MYO10: variants seen among roughly 807,000 people sequenced by gnomAD.
MYO10 encodes the protein myosin X.
A neutral mutation model predicts 257.3 loss-of-function variants in MYO10; 133 were observed. The ratio of observed to expected loss-of-function variants is 0.52; its 90% CI spans 0.45 to 0.60. The LOEUF is 0.60. Among genes scored for constraint, MYO10 ranks in the 20% least tolerant of loss-of-function variants. MYO10 has a pLI of 0.00. For synonymous variants in MYO10, 1,104 were observed against 1,028.6 expected (o/e 1.07, Z -1.40); for missense variants, 2,399 against 2,635.7 (o/e 0.91, Z 1.97).
rs375432258 is a variant in MYO10 at position 16,781,805 on chromosome 5, A to G, written c.627T>C (p.Asn209=). ...AGTTGTTGTTGTACACGGTCTTCGC[A>G]TTGCCGAAAGCTTCCATGATGGGGC... is the stretch of plus-strand genomic sequence containing the variant. ...ESSPIMEAFG[N]AKTVYNNNSS... is the part of the protein sequence containing the mutation. Residue 209 remains asparagine (N), a synonymous_variant, in exon 6 of 41, where the codon AAT becomes AAC. Coordinates refer to ENST00000513610, the MANE Select transcript of MYO10 (RefSeq NM_012334.3). The G allele has an allele frequency of 2.4e-5, 38 of 1,613,896 alleles. No individual in the cohort carries two copies. Among genetic ancestry groups the G allele is most frequent in the Admixed American group, 8.3e-5 (5 of 60,002 alleles).
intron 19 of MYO10, among the ~76,000 whole-genome samples, chr5:16,717,319 T>C (rs1332997302): frequency 6.6e-6 from 1 of 152,212 alleles, no homozygotes; most frequent in Non-Finnish European, 1.5e-5. Flanking sequence ...TGAAAACTTC[T>C]TTAGGGAAAA....
At chr5:16,873,881 A>C in intron 2 of MYO10, among the ~76,000 whole-genome samples, 1 of 151,920 alleles carries the variant, frequency 6.6e-6, no homozygotes, top group East Asian at 1.9e-4. Context: ...GGCCCACTAA[A>C]CCATTTTTCC....
At chr5:16,743,338 T>A (rs1180382383) in intron 19 of MYO10, among the ~76,000 whole-genome samples, 1 of 151,980 alleles carries the variant, frequency 6.6e-6, no homozygotes, top group African/African-American at 2.4e-5. Context: ...AGTTCTATAG[T>A]GAGCAACAGA....
rs113985723 is a variant in MYO10 at position 16,766,240 on chromosome 5, A to G, written c.1061-42T>C. The stretch of plus-strand genomic sequence containing the variant: ...AAAGGTGAATGAACCCACCGCCCCC[A>G]AGAAGCTAACCAGGCTTAGCGATAC... On this transcript the variant is annotated intron_variant, in intron 10 of 40. Coordinates refer to ENST00000513610, the MANE Select transcript of MYO10 (RefSeq NM_012334.3). The G allele has an allele frequency of 4.2e-5, 63 of 1,494,360 alleles. 1 individual carries two copies. The highest frequency in any genetic ancestry group is 3.6e-4 in the African/African-American group (26 of 72,518). The allele number at this position is 1,494,360 out of a possible 1,614,324, so 92.6% of individuals were successfully genotyped here.
intron 1 of MYO10, among the ~76,000 whole-genome samples, chr5:16,903,352 C>T (rs1487462006): frequency 2.6e-5 from 4 of 152,150 alleles, no homozygotes; most frequent in Admixed American, 6.6e-5. Flanking sequence ...TTGCATGCAG[C>T]GAGCTGAGAT....
At chr5:16,821,297 T>A (rs929406877) in intron 2 of MYO10, among the ~76,000 whole-genome samples, 1 of 149,820 alleles carries the variant, frequency 6.7e-6, no homozygotes, top group Non-Finnish European at 1.5e-5. Flanking sequence ...CATTTCATTG[T>A]CTTTTTTGAT....
chr5:16,694,715 A>G lies in MYO10; in HGVS notation c.3557-101T>C, dbSNP rs1737659299. On this transcript the variant is annotated intron_variant, in intron 26 of 40. Transcript: ENST00000513610. Reference sequence around the variant, plus strand: ...GGTGTTAAGGTCTAGCCGAGCTTAGACTCTGCCCCAGCCGCAGCACCGCAG... The same window carrying G: ...GGTGTTAAGGTCTAGCCGAGCTTAGGCTCTGCCCCAGCCGCAGCACCGCAG... The G allele has an allele frequency of 2.0e-6, 3 of 1,469,758 alleles. No homozygotes were observed. In the South Asian group the frequency reaches 3.7e-5, roughly 18 times the overall value. 91.0% of individuals were successfully genotyped at this position (1,469,758 alleles called of 1,614,324 possible).
chr5:16,827,752 G>A (rs1020264078), intron 2 of MYO10, among the ~76,000 whole-genome samples: 1 of 152,134 alleles, frequency 6.6e-6, no homozygotes, highest in Non-Finnish European at 1.5e-5. Flanking sequence ...TCCTTTAGGT[G>A]CCAAAACAAA....
intron 21 of MYO10, among the ~76,000 whole-genome samples, chr5:16,706,310 T>TATATATATATATACACACACACAC (rs528348703): frequency 6.6e-6 from 1 of 151,752 alleles, no homozygotes; most frequent in African/African-American, 2.4e-5. Context: ...AATATATATA[T>TATATATATATATACACACACACAC]ACACACACAC....
intron 1 of MYO10, among the ~76,000 whole-genome samples, chr5:16,894,411 G>A (rs1448442173): frequency 6.6e-6 from 1 of 152,116 alleles, no homozygotes; most frequent in African/African-American, 2.4e-5. Flanking sequence ...CAAACCGCCT[G>A]GACAGGAACC....
chr5:16,719,269 C>T (rs1187862017), intron 19 of MYO10, among the ~76,000 whole-genome samples: 2 of 152,102 alleles, frequency 1.3e-5, no homozygotes, highest in East Asian at 1.9e-4. Context: ...ACACTCACCG[C>T]GAGGGTCCGC....
chr5:16,704,539 T>G, intron 22 of MYO10, 40 bp downstream of exon 22: 35 of 1,543,402 alleles, frequency 2.3e-5, no homozygotes, highest in African/African-American at 2.7e-5. Context: ...GACCCCCTCA[T>G]GGAGCTTCCT....
chr5:16,841,739 A>T (rs1182822402), intron 2 of MYO10, among the ~76,000 whole-genome samples: 1 of 152,170 alleles, frequency 6.6e-6, no homozygotes, highest in East Asian at 1.9e-4. Flanking sequence ...ATGGAAGCTG[A>T]CTTGTTTGCC....
At chr5:16,881,057 T>C (rs1744743237) in intron 1 of MYO10, among the ~76,000 whole-genome samples, 1 of 152,162 alleles carries the variant, frequency 6.6e-6, no homozygotes, top group African/African-American at 2.4e-5. Flanking sequence ...CTTTTACTCA[T>C]TAGGTTAAAA....
In MYO10 at chr5:16,783,412, T is replaced by A. The variant is rs953209452; in HGVS notation, c.525A>T (p.Ser175=). 2 of 1,609,686 alleles carry A rather than the reference T, an allele frequency of 1.2e-6. No individual in the cohort carries two copies. Among genetic ancestry groups the A allele is most frequent in the Non-Finnish European group, 1.7e-6 (2 of 1,178,100 alleles). Residue 175 remains serine (S), a synonymous_variant, in exon 5 of 41, where the codon TCA becomes TCT. Coordinates refer to ENST00000513610, the MANE Select transcript of MYO10 (RefSeq NM_012334.3). ...ATTCCAAAGACTGTTGACTGATGAC[T>A]GACAGAAACTTGAGGATCAATTTAG... ...ESTKLILKFL[S]VISQQSLELS...
At chr5:16,838,987 C>G (rs1490218212) in intron 2 of MYO10, among the ~76,000 whole-genome samples, 3 of 152,152 alleles carry the variant, frequency 2.0e-5, no homozygotes, top group Non-Finnish European at 4.4e-5. Context: ...TATTACTGCT[C>G]ACTGACAATG....
At chr5:16,740,111 C>G (rs543620672) in intron 19 of MYO10, among the ~76,000 whole-genome samples, 37 of 152,170 alleles carry the variant, frequency 2.4e-4, no homozygotes, top group Non-Finnish European at 4.1e-4. Context: ...GTTTCAGACC[C>G]TGATCTTGAG....
At chr5:16,677,014 T>C (rs1448977610) in intron 33 of MYO10, among the ~76,000 whole-genome samples, 3 of 152,098 alleles carry the variant, frequency 2.0e-5, no homozygotes. Context: ...CACATTAATA[T>C]ATTCTTGGGG....
intron 2 of MYO10, among the ~76,000 whole-genome samples, chr5:16,873,037 C>T (rs546163583): frequency 6.6e-6 from 1 of 152,228 alleles, no homozygotes; most frequent in African/African-American, 2.4e-5. Context: ...CAATGGTCCC[C>T]CAAAGTCTTA....
Sources: allele counts gnomAD v4.1 joint callset (sites outside exome capture counted in the v4.1 genomes callset), GRCh38; gene constraint gnomAD v4.1.1; transcripts MANE v1.5; gene names NCBI Gene and HGNC (gene_info 2026-07-23, HGNC 2026-07-21).